Variants in FGGY observed in about 807,000 individuals in gnomAD.
The protein encoded by FGGY is FGGY carbohydrate kinase domain containing, also known as FGGY carbohydrate kinase domain-containing protein.
A neutral mutation model predicts 71.3 loss-of-function variants in FGGY; 72 were observed. That is an observed-to-expected ratio of 1.01 (90% confidence interval 0.84 to 1.23). The LOEUF (loss-of-function observed/expected upper bound fraction) is 1.23. Among genes scored for constraint, FGGY ranks in the 50% most tolerant of loss-of-function variants. FGGY has a pLI of 0.00. For missense variants in FGGY, 668 were observed against 682.3 expected, an observed-to-expected ratio of 0.98 and a Z score of 0.23; for synonymous variants, 251 against 250.3, an observed-to-expected ratio of 1.00 and a Z score of -0.02.
intron 11 of FGGY, among the ~76,000 whole-genome samples, chr1:59,654,340 C>T (rs1330332773): frequency 4.6e-5 from 7 of 152,188 alleles, no homozygotes; most frequent in South Asian, 2.1e-4. Context: ...CCTTGTCCAT[C>T]AGCTCCACCT....
At chr1:59,412,571 T>C (rs2063761738) in intron 5 of FGGY, among the ~76,000 whole-genome samples, 1 of 152,188 alleles carries the variant, frequency 6.6e-6, no homozygotes, top group Non-Finnish European at 1.5e-5. Flanking sequence ...CAGGAAAAGA[T>C]GTGCAGTGTT....
chr1:59,571,937 G>GAATACAC (rs749078035), intron 8 of FGGY, among the ~76,000 whole-genome samples: 17 of 152,266 alleles, frequency 1.1e-4, no homozygotes, highest in South Asian at 2.1e-4. Context: ...ACTAAGCTTA[G>GAATACAC]AAAAGACAAG....
At chr1:59,737,975 G>A (rs988483988) in intron 14 of FGGY, among the ~76,000 whole-genome samples, 1 of 152,122 alleles carries the variant, frequency 6.6e-6, no homozygotes, top group Admixed American at 6.5e-5. Flanking sequence ...CTGAGGACCA[G>A]AGTGGTTATA....
At chr1:59,506,221 G>C (rs181079881) in intron 6 of FGGY, among the ~76,000 whole-genome samples, 21 of 152,220 alleles carry the variant, frequency 1.4e-4, no homozygotes, top group Admixed American at 3.9e-4. Context: ...AAGGTCATGG[G>C]ATATAAGAAA....
intron 7 of FGGY, among the ~76,000 whole-genome samples, chr1:59,546,535 G>GATGATGATTATTATTATT (rs1399823769): frequency 7.7e-6 from 1 of 129,352 alleles, no homozygotes; most frequent in African/African-American, 3.1e-5. Flanking sequence ...TGATGATGAT[G>GATGATGATTATTATTATT]ATTATTATTA....
chr1:59,401,611 G>T (rs904505372), intron 5 of FGGY, among the ~76,000 whole-genome samples: 1 of 152,186 alleles, frequency 6.6e-6, no homozygotes, highest in African/African-American at 2.4e-5. Context: ...AAGTAACCCT[G>T]CCCAGAGTCG....
chr1:59,452,881 A>G (rs530306549), intron 5 of FGGY, among the ~76,000 whole-genome samples: 122 of 152,274 alleles, frequency 8.0e-4, no homozygotes, highest in Non-Finnish European at 1.4e-3. Context: ...TAATTTTACA[A>G]ACCTTTGGGT....
At chr1:59,354,193 C>G (rs982087047) in intron 4 of FGGY, among the ~76,000 whole-genome samples, 2 of 152,092 alleles carry the variant, frequency 1.3e-5, no homozygotes, top group African/African-American at 4.8e-5. Context: ...CTCTCCCACC[C>G]CAGCCTCCTG....
rs2098238572 is a variant in FGGY, at chr1:59,750,781, T to C, written c.1513-7150T>C. Among the ~76,000 whole-genome samples, 5 of 152,270 alleles carry C rather than the reference T, an allele frequency of 3.3e-5. No individual in the cohort carries two copies. The East Asian group carries it at 9.6e-4, about 29-fold the overall frequency. On this transcript the variant is annotated intron_variant, in intron 14 of 15. Coordinates refer to ENST00000303721, the MANE Select transcript of FGGY (RefSeq NM_018291.5). ...AAAGTCACATTGATATATTTTCTGT[T>C]TTTCTATGGAGGGGTCACGTGCCTC...
intron 2 of FGGY, among the ~76,000 whole-genome samples, chr1:59,339,123 G>T (rs1460896690): frequency 6.6e-6 from 1 of 152,046 alleles, no homozygotes; most frequent in Non-Finnish European, 1.5e-5. Flanking sequence ...TTACCTTCAG[G>T]CTATGTGTGT....
rs537914363 is a variant in FGGY, at chr1:59,731,420, G to A, written c.1513-26511G>A. The stretch of plus-strand genomic sequence containing the variant: ...CACTGGGAAGCTTCCCGGTGAAGAG[G>A]CCTTTTAAGCATGAACCGAGATGAA... On this transcript the variant is annotated intron_variant, in intron 14 of 15. Coordinates refer to ENST00000303721, the MANE Select transcript of FGGY (RefSeq NM_018291.5). Among the ~76,000 whole-genome samples the A allele has an allele frequency of 6.6e-5, 10 of 152,244 alleles. No homozygotes were observed. The South Asian group carries it at 1.5e-3, about 22-fold the overall frequency.
At chr1:59,573,918 A>G (rs2096032966) in intron 8 of FGGY, among the ~76,000 whole-genome samples, 1 of 152,222 alleles carries the variant, frequency 6.6e-6, no homozygotes, top group South Asian at 2.1e-4. Flanking sequence ...GCCTTCTACT[A>G]CATAGCATAT....
At position 59,378,775 on chromosome 1, in the gene FGGY, G is replaced by A; in HGVS notation, c.492G>A (p.Lys164=). 6.2e-7 allele frequency: 1 copy of A among 1,613,494 alleles called. No individual in the cohort carries two copies. Among genetic ancestry groups the A allele is most frequent in the Non-Finnish European group, 8.5e-7 (1 of 1,179,642 alleles). ...ACTTGAGAGAGATTTGCTGGGATAAGGCGGGACATTTCTTTGATCTCCCGG... is the reference window on the plus strand; with the variant it reads ...ACTTGAGAGAGATTTGCTGGGATAAAGCGGGACATTTCTTTGATCTCCCGG... ...KENLREICWD[K]AGHFFDLPDF... is the part of the protein sequence containing the mutation. The change falls in exon 5 of 16, where the codon AAG becomes AAA. Residue 164 remains lysine (K), a synonymous_variant. Transcript: ENST00000303721.
chr1:59,374,152 C>T (rs2058227843), intron 4 of FGGY, among the ~76,000 whole-genome samples: 1 of 152,172 alleles, frequency 6.6e-6, no homozygotes, highest in Admixed American at 6.5e-5. Flanking sequence ...ACAACCTACT[C>T]ATCTGACAAA....
At chr1:59,532,035 A>T (rs1401296277) in intron 7 of FGGY, among the ~76,000 whole-genome samples, 1 of 152,246 alleles carries the variant, frequency 6.6e-6, no homozygotes, top group East Asian at 1.9e-4. Flanking sequence ...AAAAATCAAG[A>T]GTAAAAACAA....
intron 12 of FGGY, among the ~76,000 whole-genome samples, chr1:59,664,945 A>G (rs982452784): frequency 6.6e-6 from 1 of 152,186 alleles, no homozygotes; most frequent in Non-Finnish European, 1.5e-5. Flanking sequence ...ATGGCAAAAA[A>G]AAAAATGGCA....
chr1:59,700,639 A>G (rs1573420523), intron 14 of FGGY, among the ~76,000 whole-genome samples: 2 of 152,086 alleles, frequency 1.3e-5, no homozygotes, highest in East Asian at 3.8e-4. Context: ...TGCTTTCCTC[A>G]CTGAGTGCCT....
intron 3 of FGGY, among the ~76,000 whole-genome samples, chr1:59,343,889 A>G (rs1012350804): frequency 1.3e-5 from 2 of 152,126 alleles, no homozygotes; most frequent in African/African-American, 4.8e-5. Flanking sequence ...AGGTATTTTT[A>G]CCTTAAAGTA....
chr1:59,322,701 T>C (rs34255741), intron 2 of FGGY, among the ~76,000 whole-genome samples: 9,536 of 152,290 alleles, frequency 0.063, 380 homozygotes, highest in Non-Finnish European at 0.087. Flanking sequence ...TGAGTGGCCT[T>C]GGATTGGATG....
Sources: allele counts gnomAD v4.1 joint callset (sites outside exome capture counted in the v4.1 genomes callset), GRCh38; gene constraint gnomAD v4.1.1; transcripts MANE v1.5; gene names NCBI Gene and HGNC (gene_info 2026-07-23, HGNC 2026-07-21).